The following SH3KBP1 variants were observed in gnomAD, a reference collection of about 807,000 sequenced individuals.
SH3KBP1 encodes the protein SH3 domain-containing kinase-binding protein 1.
SH3KBP1 carries 8 observed loss-of-function variants against 50.1 expected under a neutral mutation model. The ratio of observed to expected loss-of-function variants is 0.16; its 90% CI spans 0.09 to 0.29. The LOEUF is 0.29. SH3KBP1 is among the 10% of genes least tolerant of loss of function. SH3KBP1 has a pLI of 1.00. For missense variants in SH3KBP1, 377 were observed against 535.2 expected (o/e 0.70, Z 2.92); for synonymous variants, 227 against 218.6 (o/e 1.04, Z -0.34).
At chrX:19,760,024 C>T (rs962606874) in intron 2 of SH3KBP1, among the ~76,000 whole-genome samples, 2 of 58,153 alleles carry the variant, frequency 3.4e-5, no homozygotes, top group Non-Finnish European at 6.0e-5. Context: ...TCTCTCTCTC[C>T]TCTCTCTCTC....
intron 13 of SH3KBP1, among the ~76,000 whole-genome samples, chrX:19,567,728 G>A (rs889892061): frequency 9.5e-6 from 1 of 105,382 alleles, no homozygotes; most frequent in African/African-American, 3.5e-5. Context: ...AGGGTACACA[G>A]ATTTCTATTA....
intron 4 of SH3KBP1, among the ~76,000 whole-genome samples, chrX:19,703,907 G>C (rs899666872): frequency 3.6e-5 from 4 of 110,501 alleles, no homozygotes; most frequent in Non-Finnish European, 5.7e-5. Flanking sequence ...TGTGATTTAG[G>C]GGTTTTTGTT....
At chrX:19,772,879 G>C (rs1185345328) in intron 2 of SH3KBP1, among the ~76,000 whole-genome samples, 1 of 111,622 alleles carries the variant, frequency 9.0e-6, no homozygotes, top group African/African-American at 3.3e-5. Context: ...CACTGTGTGG[G>C]GCTTTGGGGC....
chrX:19,827,062 C>G (rs1476287574), intron 2 of SH3KBP1, among the ~76,000 whole-genome samples: 1 of 111,624 alleles, frequency 9.0e-6, no homozygotes, highest in Admixed American at 9.5e-5. Flanking sequence ...AAAAGAACAG[C>G]CACATTCACC....
At chrX:19,572,276 T>C (rs1043952987) in intron 12 of SH3KBP1, among the ~76,000 whole-genome samples, 4 of 106,794 alleles carry the variant, frequency 3.7e-5, no homozygotes, top group East Asian at 2.8e-4. Context: ...ATAGAGTATA[T>C]GTTATATATA....
At chrX:19,702,438 C>T (rs2063553053) in intron 4 of SH3KBP1, among the ~76,000 whole-genome samples, 1 of 111,537 alleles carries the variant, frequency 9.0e-6, no homozygotes, top group African/African-American at 3.3e-5. Flanking sequence ...TTGCAAGCCA[C>T]AAAACCAGGT....
chrX:19,559,523 A>T (rs1193536353), intron 13 of SH3KBP1, among the ~76,000 whole-genome samples: 2 of 107,256 alleles, frequency 1.9e-5, no homozygotes, highest in African/African-American at 6.8e-5. Flanking sequence ...TAGAGACGGG[A>T]TTTCACCATA....
intron 15 of SH3KBP1, 44 bp from the exon 16 acceptor site, chrX:19,542,237 T>A (rs1157069487): frequency 4.5e-6 from 5 of 1,119,915 alleles, no homozygotes; most frequent in Middle Eastern, 3.6e-4. Context: ...CGGGGATTTG[T>A]GTGCTGCGTC....
intron 12 of SH3KBP1, among the ~76,000 whole-genome samples, chrX:19,586,877 A>G (rs1047389731): frequency 8.0e-5 from 9 of 112,092 alleles, no homozygotes; most frequent in African/African-American, 2.6e-4. Context: ...GCCATACTAC[A>G]ATACAGATGA....
intron 4 of SH3KBP1, among the ~76,000 whole-genome samples, chrX:19,703,295 A>T (rs982737336): frequency 9.0e-6 from 1 of 110,787 alleles, no homozygotes; most frequent in Non-Finnish European, 1.9e-5. Flanking sequence ...GGTGGTGAGG[A>T]GGGATAAAGG....
chrX:19,619,019 T>C (rs1035045742), intron 8 of SH3KBP1, among the ~76,000 whole-genome samples: 4 of 106,196 alleles, frequency 3.8e-5, no homozygotes, highest in Non-Finnish European at 7.7e-5. Context: ...CTCACGCCTG[T>C]AATCCCAGCA....
chrX:19,591,787 A>G (rs1244272580), intron 11 of SH3KBP1, among the ~76,000 whole-genome samples: 2 of 112,325 alleles, frequency 1.8e-5, no homozygotes, highest in African/African-American at 3.2e-5. Context: ...TTCAGGGTGC[A>G]GAGAGGGTGG....
At chrX:19,594,899 G>A in intron 10 of SH3KBP1, 50 bp downstream of exon 10, 1 of 931,687 alleles carries the variant, frequency 1.1e-6, no homozygotes, top group Non-Finnish European at 1.6e-6. Context: ...TTGAATATAT[G>A]CAAAAAGAAA....
chrX:19,872,510 G>A (rs943915102), intron 1 of SH3KBP1, among the ~76,000 whole-genome samples: 16 of 109,961 alleles, frequency 1.5e-4, no homozygotes, highest in Admixed American at 1.3e-3. Context: ...GGTAGCTCAC[G>A]CCTGTAATCC....
intron 3 of SH3KBP1, among the ~76,000 whole-genome samples, chrX:19,708,170 G>C (rs985391411): frequency 8.9e-6 from 1 of 112,749 alleles, no homozygotes; most frequent in Non-Finnish European, 1.9e-5. Flanking sequence ...TCATATAAAG[G>C]GGAAGGTCTC....
chrX:19,733,933 T>G (rs1191464689), intron 3 of SH3KBP1, among the ~76,000 whole-genome samples: 1 of 112,072 alleles, frequency 8.9e-6, no homozygotes, highest in Admixed American at 9.5e-5. Context: ...GTGCAAGCTT[T>G]CAGGAAGTCA....
At chrX:19,622,950 C>T (rs999926066) in intron 8 of SH3KBP1, among the ~76,000 whole-genome samples, 6 of 104,066 alleles carry the variant, frequency 5.8e-5, no homozygotes, top group Admixed American at 5.4e-4. Flanking sequence ...GGCTGAGGCA[C>T]GAGAATCGCT....
chrX:19,836,452 A>G (rs1253956871), intron 1 of SH3KBP1, among the ~76,000 whole-genome samples, 170 bp from the exon 2 acceptor site: 3 of 112,222 alleles, frequency 2.7e-5, no homozygotes, highest in Admixed American at 1.9e-4. Flanking sequence ...TGAAGCCTAT[A>G]GCACAGAAAC....
intron 2 of SH3KBP1, among the ~76,000 whole-genome samples, chrX:19,822,467 T>C (rs1351873880): frequency 5.3e-5 from 6 of 112,283 alleles, no homozygotes; most frequent in Non-Finnish European, 1.1e-4. Context: ...GGTGAGCTTT[T>C]TAACTTGTTT....
Sources: allele counts gnomAD v4.1 joint callset (sites outside exome capture counted in the v4.1 genomes callset), GRCh38; gene constraint gnomAD v4.1.1; transcripts MANE v1.5; gene names NCBI Gene and HGNC (gene_info 2026-07-23, HGNC 2026-07-21).